LRIF1: variants seen among roughly 807,000 people sequenced by gnomAD.
LRIF1 encodes ligand dependent nuclear receptor interacting factor 1, also known as ligand-dependent nuclear receptor-interacting factor 1.
Under a neutral mutation model 52.7 loss-of-function variants are expected in LRIF1, and 32 were observed. That is an observed-to-expected ratio of 0.61 (90% CI 0.46 to 0.82). LRIF1 has a LOEUF of 0.82. LRIF1 is among the 40% of genes least tolerant of loss of function. The pLI is 0.00. For missense variants in LRIF1, 887 were observed against 892.0 expected, an observed-to-expected ratio of 0.99 and a Z score of 0.07; for synonymous variants, 323 against 317.4, an observed-to-expected ratio of 1.02 and a Z score of -0.19.
At chr1:110,922,142 G>A in the LRIF1 span, among the ~76,000 whole-genome samples, 3 of 152,080 alleles carry the variant, frequency 2.0e-5, no homozygotes, top group African/African-American at 7.2e-5. Flanking sequence ...TCCATGTCCC[G>A]GCAAAAAATA....
chr1:110,947,945 C>G lies in LRIF1; in HGVS notation c.*14G>C. On this transcript the variant is annotated 3_prime_UTR_variant, in exon 4 of 4. Coordinates refer to ENST00000369763, the MANE Select transcript of LRIF1 (RefSeq NM_018372.4). ...TAAAAAACAGCTATTTCACTGAAGTCTTTACAGGAGATTTTATTTTTGGTG... is the reference window on the plus strand; with the variant it reads ...TAAAAAACAGCTATTTCACTGAAGTGTTTACAGGAGATTTTATTTTTGGTG... The G allele has an allele frequency of 6.4e-7, 1 of 1,560,808 alleles. No homozygotes were observed. The highest frequency in any genetic ancestry group is 8.6e-7 in the Non-Finnish European group (1 of 1,158,302).
chr1:110,888,401 A>G, the LRIF1 span, among the ~76,000 whole-genome samples: 3 of 152,118 alleles, frequency 2.0e-5, no homozygotes, highest in Non-Finnish European at 4.4e-5. Context: ...TCTATGCTCC[A>G]TGGTTTGGAA....
chr1:110,901,024 G>A, the LRIF1 span, among the ~76,000 whole-genome samples: 1 of 152,110 alleles, frequency 6.6e-6, no homozygotes, highest in South Asian at 2.1e-4. Flanking sequence ...TGTTCCTGAA[G>A]TTTTATGTAT....
chr1:110,924,375 T>A, the LRIF1 span, among the ~76,000 whole-genome samples: 7 of 152,236 alleles, frequency 4.6e-5, no homozygotes, highest in African/African-American at 1.7e-4. Context: ...TCCGTTTTCA[T>A]ACTGCTATAA....
At chr1:110,890,127 T>A in the LRIF1 span, among the ~76,000 whole-genome samples, 1 of 152,166 alleles carries the variant, frequency 6.6e-6, no homozygotes. Context: ...GGAGATACTA[T>A]GGATTGCACA....
At chr1:110,891,331 C>T in the LRIF1 span, 1,513 of 1,152,218 alleles carry the variant, frequency 1.3e-3, 6 homozygotes, top group Non-Finnish European at 1.7e-3. Context: ...CATTTGTGCA[C>T]TCTGATCTCT....
chr1:110,897,921 AG>A, the LRIF1 span: 1 of 1,314,526 alleles, frequency 7.6e-7, no homozygotes. Context: ...GGTTATTGTG[AG>A]GATTACATGA....
chr1:110,900,907 T>G, the LRIF1 span, among the ~76,000 whole-genome samples: 3 of 152,182 alleles, frequency 2.0e-5, no homozygotes, highest in Non-Finnish European at 4.4e-5. Flanking sequence ...AAGCTAAATT[T>G]AATTATCTAC....
chr1:110,892,271 A>G, the LRIF1 span: 1 of 1,031,870 alleles, frequency 9.7e-7, no homozygotes, highest in Non-Finnish European at 1.5e-6. Context: ...TTCTGATCTC[A>G]AGGAAGTGAG....
the LRIF1 span, among the ~76,000 whole-genome samples, chr1:110,904,532 A>C: frequency 6.6e-6 from 1 of 152,226 alleles, no homozygotes; most frequent in Non-Finnish European, 1.5e-5. Context: ...ATTTTATCCA[A>C]GACCATCAAA....
chr1:110,931,026 G>A, the LRIF1 span, among the ~76,000 whole-genome samples: 10 of 151,892 alleles, frequency 6.6e-5, no homozygotes, highest in Non-Finnish European at 1.2e-4. Flanking sequence ...GGGTACATGT[G>A]CACAACATGC....
the LRIF1 span, among the ~76,000 whole-genome samples, chr1:110,920,039 G>A: frequency 6.6e-6 from 1 of 152,258 alleles, no homozygotes; most frequent in South Asian, 2.1e-4. Context: ...CCAAAATGCA[G>A]ACACCATCAA....
chr1:110,955,449 C>A (rs1335185630), intron 1 of LRIF1, among the ~76,000 whole-genome samples: 1 of 152,162 alleles, frequency 6.6e-6, no homozygotes, highest in African/African-American at 2.4e-5. Flanking sequence ...TCTTTCCCTG[C>A]TTAAAACATT....
chr1:110,929,338 A>T, the LRIF1 span, among the ~76,000 whole-genome samples: 1 of 152,218 alleles, frequency 6.6e-6, no homozygotes, highest in African/African-American at 2.4e-5. Context: ...AGGAATCACC[A>T]TACTGCTTTC....
the LRIF1 span, among the ~76,000 whole-genome samples, chr1:110,932,893 T>C: frequency 1.3e-5 from 2 of 152,232 alleles, no homozygotes; most frequent in Admixed American, 1.3e-4. Context: ...TAATGAAGAA[T>C]GCTTCCTCTC....
At chr1:110,885,181 A>G in the LRIF1 span, among the ~76,000 whole-genome samples, 10 of 152,178 alleles carry the variant, frequency 6.6e-5, no homozygotes, top group Non-Finnish European at 1.0e-4. Context: ...TATTATTATC[A>G]TAAAGTTTAC....
the LRIF1 span, among the ~76,000 whole-genome samples, chr1:110,898,377 C>CAG: frequency 2.3e-5 from 1 of 43,504 alleles, no homozygotes; most frequent in Non-Finnish European, 6.2e-5. Context: ...ACTCTGTCTC[C>CAG]AGAAAAAAAA....
Position 110,963,691 on chromosome 1 carries a change from T to A in LRIF1, c.-3A>T. ...ACCCTCCGTAGGTTATTTGACATTT[T>A]AGTGGGGAGAAAGGGGACACCTCAT... is the stretch of plus-strand genomic sequence containing the variant. On this transcript the variant is annotated 5_prime_UTR_variant, in exon 1 of 4. It removes the in-frame stop codon of an upstream open reading frame in the 5' UTR. Coordinates refer to ENST00000369763, the MANE Select transcript of LRIF1 (RefSeq NM_018372.4). The A allele has an allele frequency of 1.2e-6, 2 of 1,603,864 alleles. No homozygotes were observed. The highest frequency in any genetic ancestry group is 1.1e-5 in the South Asian group (1 of 90,346).
chr1:110,957,184 G>A (rs543277334), intron 1 of LRIF1, among the ~76,000 whole-genome samples: 5 of 151,246 alleles, frequency 3.3e-5, no homozygotes, highest in Non-Finnish European at 7.4e-5. Context: ...TTCGCCAGGT[G>A]CGGTGGCTCA....
Sources: gnomAD v4.1 joint callset for allele counts (sites outside exome capture counted in the v4.1 genomes callset) on GRCh38, gnomAD v4.1.1 for gene constraint, MANE v1.5 for transcripts, NCBI Gene and HGNC (gene_info 2026-07-23, HGNC 2026-07-21) for gene names.